Variants in EHBP1 observed in about 807,000 individuals in gnomAD.
The protein encoded by EHBP1 is EH domain-binding protein 1.
A neutral mutation model predicts 144.0 loss-of-function variants in EHBP1; 55 were observed. That is an observed-to-expected ratio of 0.38 (90% CI 0.31 to 0.48). The LOEUF (loss-of-function observed/expected upper bound fraction) is 0.48. Among genes scored for constraint, EHBP1 ranks in the 20% least tolerant of loss-of-function variants. EHBP1 has a pLI of 0.98. For synonymous variants in EHBP1, 469 were observed against 472.7 expected (o/e 0.99, Z 0.10); for missense variants, 1,200 against 1,364.2 (o/e 0.88, Z 1.90).
intron 2 of EHBP1, among the ~76,000 whole-genome samples, chr2:62,743,366 A>G (rs1211463210): frequency 1.3e-5 from 2 of 152,016 alleles, no homozygotes; most frequent in African/African-American, 4.8e-5. Context: ...ATATTTATAA[A>G]TAGTTTCTTT....
intron 5 of EHBP1, among the ~76,000 whole-genome samples, chr2:62,798,683 T>G (rs1293488209): frequency 6.6e-6 from 1 of 152,106 alleles, no homozygotes; most frequent in Admixed American, 6.5e-5. Flanking sequence ...TTATCTGACT[T>G]AAGCAGTAGC....
At chr2:63,002,232 TG>T (rs1285997341) in intron 19 of EHBP1, among the ~76,000 whole-genome samples, 1 of 152,138 alleles carries the variant, frequency 6.6e-6, no homozygotes, top group Non-Finnish European at 1.5e-5. Flanking sequence ...TACCCGAAAA[TG>T]TTTTTTTGAG....
rs763494112 is a variant in EHBP1 at position 62,955,469 on chromosome 2, A to G, written c.2317-48A>G. 8 of 1,561,412 alleles carry G rather than the reference A, an allele frequency of 5.1e-6. No homozygotes were observed. The Admixed American group carries it at 1.5e-4, about 30-fold the overall frequency. On this transcript the variant is annotated intron_variant, in intron 13 of 22. Coordinates refer to ENST00000431489, the MANE Select transcript of EHBP1 (RefSeq NM_001142616.3). Reference sequence around the variant, plus strand: ...ACCTTTCATTAGTTTACAAATGTAGATTACCCGTTTTTTTTTTGGCTTCTA... The same window carrying G: ...ACCTTTCATTAGTTTACAAATGTAGGTTACCCGTTTTTTTTTTGGCTTCTA...
chr2:62,793,219 T>C (rs1011645233), intron 5 of EHBP1, among the ~76,000 whole-genome samples: 2 of 152,088 alleles, frequency 1.3e-5, no homozygotes, highest in African/African-American at 4.8e-5. Flanking sequence ...TTAGAACTGA[T>C]ATTTTTGGAT....
chr2:62,994,456 TCTTCACTTAATTAA>T (rs1402164640), intron 18 of EHBP1, among the ~76,000 whole-genome samples: 1 of 152,140 alleles, frequency 6.6e-6, no homozygotes, highest in Non-Finnish European at 1.5e-5. Context: ...TATGGTAATT[TCTTCACTTAATTAA>T]CAGGGAGGTT....
At chr2:62,879,043 A>G (rs999649569) in intron 10 of EHBP1, among the ~76,000 whole-genome samples, 1 of 151,912 alleles carries the variant, frequency 6.6e-6, no homozygotes, top group African/African-American at 2.4e-5. Flanking sequence ...AAAAAACTAC[A>G]TGTTTATCTG....
At chr2:62,779,656 C>T (rs2042291730) in intron 5 of EHBP1, among the ~76,000 whole-genome samples, 1 of 152,110 alleles carries the variant, frequency 6.6e-6, no homozygotes, top group South Asian at 2.1e-4. Context: ...TTCTTACAGT[C>T]CCAGAGTCTT....
At chr2:62,709,978 A>G (rs2034985093) in intron 2 of EHBP1, among the ~76,000 whole-genome samples, 1 of 152,098 alleles carries the variant, frequency 6.6e-6, no homozygotes, top group Non-Finnish European at 1.5e-5. Flanking sequence ...AAATTTGGAG[A>G]TGATAGGGGT....
At chr2:62,961,450 C>T (rs1051616546) in intron 14 of EHBP1, among the ~76,000 whole-genome samples, 10 of 152,172 alleles carry the variant, frequency 6.6e-5, no homozygotes, top group African/African-American at 2.4e-4. Context: ...TCTTTTCTTC[C>T]TGTTCCTTTT....
At chr2:63,021,340 C>T (rs531810068) in intron 19 of EHBP1, among the ~76,000 whole-genome samples, 1 of 152,110 alleles carries the variant, frequency 6.6e-6, no homozygotes, top group South Asian at 2.1e-4. Context: ...TTTTTCAACC[C>T]TTAGGTTATA....
intron 5 of EHBP1, among the ~76,000 whole-genome samples, chr2:62,817,065 T>C (rs926918265): frequency 1.3e-5 from 2 of 152,208 alleles, no homozygotes; most frequent in African/African-American, 4.8e-5. Context: ...GATGTAAAGG[T>C]ACTTCAAAGT....
chr2:62,933,141 T>C (rs1175527924), intron 10 of EHBP1, among the ~76,000 whole-genome samples: 1 of 151,768 alleles, frequency 6.6e-6, no homozygotes, highest in Non-Finnish European at 1.5e-5. Flanking sequence ...TTTAAAATTA[T>C]ATTAAACTAT....
At chr2:62,805,473 T>C (rs561054283) in intron 5 of EHBP1, among the ~76,000 whole-genome samples, 66 of 151,212 alleles carry the variant, frequency 4.4e-4, no homozygotes, top group African/African-American at 1.5e-3. Context: ...ATTTTCTTTT[T>C]TTTTTTTTTT....
chr2:62,927,728 A>T (rs1456684099), intron 10 of EHBP1, among the ~76,000 whole-genome samples: 2 of 152,320 alleles, frequency 1.3e-5, no homozygotes, highest in South Asian at 4.1e-4. Context: ...AAATTAGGAA[A>T]GTAGAGGACT....
chr2:62,845,160 C>A (rs1276881949), intron 7 of EHBP1, among the ~76,000 whole-genome samples: 2 of 151,358 alleles, frequency 1.3e-5, no homozygotes, highest in Non-Finnish European at 2.9e-5. Flanking sequence ...CTCATGGGTA[C>A]AGTTTCCAAG....
At chr2:62,820,798 C>T (rs182902534) in intron 5 of EHBP1, among the ~76,000 whole-genome samples, 2 of 101,610 alleles carry the variant, frequency 2.0e-5, no homozygotes, top group African/African-American at 7.6e-5. Context: ...CTAGTTGATC[C>T]ATTCATCAGC....
intron 7 of EHBP1, among the ~76,000 whole-genome samples, chr2:62,857,646 C>T (rs190075496): frequency 2.6e-5 from 4 of 152,116 alleles, no homozygotes; most frequent in Admixed American, 2.0e-4. Context: ...GGAATTACCC[C>T]GTAGTATCCT....
At position 62,955,635 on chromosome 2, in the gene EHBP1, C is replaced by T. The variant is rs752478487; in HGVS notation, c.2435C>T (p.Pro812Leu). ...AAGCACAATACCAACACAGCCACCC[C>T]ATTCTGCAACAGGCAGCTAAGTGAT... ...GNKHNTNTAT[P>L]FCNRQLSDQQ... Residue 812 changes from proline to leucine, a missense_variant, in exon 14 of 23, where the codon CCA (proline) becomes CTA (leucine). Around this residue, in one of 6 missense-constraint regions of EHBP1, gnomAD observed 543 missense variants for 513.1 expected, o/e 1.06. Coordinates refer to ENST00000431489, the MANE Select transcript of EHBP1 (RefSeq NM_001142616.3). 2.5e-6 allele frequency: 4 copies of T among 1,611,308 alleles called. No homozygotes were observed. In the Admixed American group the frequency reaches 5.0e-5, roughly 20 times the overall value.
At chr2:62,768,344 A>G (rs2041363895) in intron 4 of EHBP1, among the ~76,000 whole-genome samples, 2 of 152,196 alleles carry the variant, frequency 1.3e-5, no homozygotes, top group Non-Finnish European at 2.9e-5. Flanking sequence ...GTTACCACTG[A>G]CCTCAGATAA....
Sources: allele counts gnomAD v4.1 joint callset (sites outside exome capture counted in the v4.1 genomes callset), GRCh38; gene constraint gnomAD v4.1.1; regional missense constraint gnomAD v4.1.1; transcripts MANE v1.5; gene names NCBI Gene and HGNC (gene_info 2026-07-23, HGNC 2026-07-21).